STYXL1: variants seen among roughly 807,000 people sequenced by gnomAD.
STYXL1 encodes serine/threonine/tyrosine interacting like 1.
In STYXL1, 32 loss-of-function variants were observed where a neutral mutation model predicts 36.4. The observed-to-expected ratio is 0.88, with a 90% CI of 0.66 to 1.18. The LOEUF is 1.18. STYXL1 is among the 50% of genes most tolerant of loss of function. STYXL1 has a pLI of 0.00. For synonymous variants in STYXL1, 133 were observed against 144.1 expected, an observed-to-expected ratio of 0.92 and a Z score of 0.55; for missense variants, 354 against 394.1, an observed-to-expected ratio of 0.90 and a Z score of 0.86.
intron 4 of STYXL1, among the ~76,000 whole-genome samples, chr7:76,017,935 C>T (rs538717800): frequency 6.7e-6 from 1 of 150,238 alleles, no homozygotes; most frequent in African/African-American, 2.4e-5. Flanking sequence ...GTTCTATGCT[C>T]ACTACCTGGG....
intron 5 of STYXL1, among the ~76,000 whole-genome samples, chr7:76,009,067 T>C (rs1279766466): frequency 1.3e-5 from 2 of 151,932 alleles, no homozygotes; most frequent in Non-Finnish European, 2.9e-5. Context: ...TATCAACCCC[T>C]CTTCCTGCTG....
At chr7:76,003,376 A>C (rs1791231215) in intron 7 of STYXL1, among the ~76,000 whole-genome samples, 1 of 152,204 alleles carries the variant, frequency 6.6e-6, no homozygotes, top group South Asian at 2.1e-4. Context: ...CCAAGGATGA[A>C]GGCGGGGATG....
At position 76,017,622 on chromosome 7, in the gene STYXL1, A is replaced by T. The variant is rs1363086240; in HGVS notation, c.308-3735T>A. Among the ~76,000 whole-genome samples the T allele has an allele frequency of 1.3e-5, 2 of 151,888 alleles. 1 individual carries two copies. The highest frequency in any genetic ancestry group is 4.8e-5 in the African/African-American group (2 of 41,348). On this transcript the variant is annotated intron_variant, in intron 4 of 8. Transcript: ENST00000359697. ...CTACTGGGGCCAGGCGCGATGGCTC[A>T]CACCTGTAATCCCAATACTTTGGGA...
intron 1 of STYXL1, among the ~76,000 whole-genome samples, chr7:76,046,801 C>A (rs554520729): frequency 6.6e-6 from 1 of 151,634 alleles, no homozygotes; most frequent in African/African-American, 2.4e-5. Flanking sequence ...CAGGTGTACA[C>A]CACCACGCTG....
chr7:76,003,677 T>C (rs1791269649), intron 7 of STYXL1, 81 bp downstream of exon 7: 1 of 1,279,320 alleles, frequency 7.8e-7, no homozygotes, highest in East Asian at 2.3e-5. Flanking sequence ...CGGTCCAGAA[T>C]AAGCCTGTGA....
At chr7:76,028,496 T>C (rs1440105606) in intron 3 of STYXL1, 146 bp downstream of exon 3, 1 of 695,158 alleles carries the variant, frequency 1.4e-6, no homozygotes, top group Non-Finnish European at 2.6e-6. Flanking sequence ...TGTGTGAGGG[T>C]GAGAGGTGTG....
intron 8 of STYXL1, among the ~76,000 whole-genome samples, chr7:75,997,345 A>G (rs1449247582): frequency 1.3e-5 from 2 of 152,170 alleles, no homozygotes; most frequent in African/African-American, 4.8e-5. Context: ...GAGGCAGGAA[A>G]ATTGCTTGAA....
chr7:76,005,615 G>A (rs1791572626), intron 5 of STYXL1, among the ~76,000 whole-genome samples: 1 of 152,090 alleles, frequency 6.6e-6, no homozygotes, highest in African/African-American at 2.4e-5. Flanking sequence ...GAGCCTCATC[G>A]TGCAGAGCGC....
Position 76,004,933 on chromosome 7 carries a change from G to A in STYXL1, c.599+326C>T, listed in dbSNP as rs948674639. Among the ~76,000 whole-genome samples the A allele has an allele frequency of 6.6e-5, 10 of 151,994 alleles. 1 individual carries two copies. In the East Asian group the frequency reaches 1.4e-3, roughly 21 times the overall value. Reference sequence around the variant, plus strand: ...GGAGAATGGCGTGAACCCAGGAGGCGGAGCTTGCAGTGAGCCGAGATTGTG... The same window carrying A: ...GGAGAATGGCGTGAACCCAGGAGGCAGAGCTTGCAGTGAGCCGAGATTGTG... On this transcript the variant is annotated intron_variant, in intron 6 of 8. Coordinates refer to ENST00000359697, the MANE Select transcript of STYXL1 (RefSeq NM_001317785.2).
intron 5 of STYXL1, among the ~76,000 whole-genome samples, chr7:76,010,085 A>G (rs148758450): frequency 2.0e-5 from 3 of 152,310 alleles, no homozygotes; most frequent in Admixed American, 1.3e-4. Context: ...GTGATGAGTT[A>G]TCAGCAGCGT....
Position 76,047,892 on chromosome 7 carries a change from C to A in STYXL1, c.-235G>T, listed in dbSNP as rs999475162. ...TCTTGGGTGCAGACTGGCCCTCCCA[C>A]TCCGACCGCAGGTCCCCCACCGGCC... On this transcript the variant is annotated 5_prime_UTR_variant, in exon 1 of 9. Transcript: ENST00000359697. 10 of 1,406,168 alleles carry A rather than the reference C, an allele frequency of 7.1e-6. No individual in the cohort carries two copies. The highest frequency in any genetic ancestry group is 9.3e-6 in the Non-Finnish European group (10 of 1,079,592). The allele number at this position is 1,406,168 out of a possible 1,614,324, so 87.1% of individuals were successfully genotyped here.
intron 4 of STYXL1, among the ~76,000 whole-genome samples, chr7:76,015,073 C>T (rs563403658): frequency 3.9e-5 from 6 of 152,176 alleles, no homozygotes; most frequent in African/African-American, 1.4e-4. Flanking sequence ...ATGGAAAGAC[C>T]CCGCCTCCAC....
In STYXL1 at chr7:75,996,600, CTATGAA is replaced by C; in HGVS notation, c.811-7_811-2del. 6.2e-7 allele frequency: 1 copy of C among 1,614,046 alleles called. No individual in the cohort carries two copies. Among genetic ancestry groups the C allele is most frequent in the Non-Finnish European group, 8.5e-7 (1 of 1,179,908 alleles). ...ACTTCTTGACATAGGCCCAGGACCT[CTATGAA>C]TACAAAGAGAGAAAGTGAACTTCAC... On this transcript the variant is annotated splice_acceptor_variant and splice_polypyrimidine_tract_variant and intron_variant, in intron 8 of 8. Transcript: ENST00000359697. LOFTEE classifies it high-confidence loss of function.
At chr7:76,013,325 CAA>C (rs782742797) in intron 5 of STYXL1, among the ~76,000 whole-genome samples, 3 of 80,700 alleles carry the variant, frequency 3.7e-5, no homozygotes, top group Non-Finnish European at 5.0e-5. Context: ...GACTCCGTCT[CAA>C]AAAAAAAAAA....
Position 76,000,920 on chromosome 7 carries a change from G to T in STYXL1, c.780C>A (p.Tyr260Ter). ...ISRSCAAIIAYLMHSNEQTLQ... is the reference protein window; with the variant it reads ...ISRSCAAIIA ...AGGTCTGCTCGTTACTATGCATGAG[G>T]TAGGCTATGATGGCGGCACAACTGC... Residue 260 changes from tyrosine to a stop codon, truncating the protein, a stop_gained, in exon 8 of 9, where the codon TAC becomes TAA. Transcript: ENST00000359697. LOFTEE classifies it high-confidence loss of function. 1 of 1,614,176 alleles carries T rather than the reference G, an allele frequency of 6.2e-7. No individual in the cohort carries two copies. The highest frequency in any genetic ancestry group is 8.5e-7 in the Non-Finnish European group (1 of 1,179,982).
At chr7:76,026,315 T>C (rs1794723169) in intron 3 of STYXL1, among the ~76,000 whole-genome samples, 1 of 150,598 alleles carries the variant, frequency 6.6e-6, no homozygotes. Context: ...TTATTACTTT[T>C]GAGACAGGGT....
At chr7:76,042,390 CTTTTTTT>C (rs528469396) in intron 1 of STYXL1, among the ~76,000 whole-genome samples, 41 of 41,834 alleles carry the variant, frequency 9.8e-4, no homozygotes, top group African/African-American at 1.4e-3. Context: ...CCCTTATGTG[CTTTTTTT>C]TTTTTTTTTT....
chr7:76,030,515 A>C lies in STYXL1; in HGVS notation c.9T>G (p.Gly3=). Residue 3 remains glycine (G), a synonymous_variant, in exon 2 of 9, where the codon GGT becomes GGG. Transcript: ENST00000359697. ...GCTCTGTTGGTTCACATAAAAGCAA[A>C]CCAGGCATCCTGCTGGGAAGAATCA... MP[G]LLLCEPTELY... The C allele has an allele frequency of 1.2e-6, 2 of 1,611,040 alleles. No homozygotes were observed. The highest frequency in any genetic ancestry group is 1.7e-6 in the Non-Finnish European group (2 of 1,177,164).
At chr7:76,013,689 T>C in intron 5 of STYXL1, 53 bp downstream of exon 5, 1 of 1,612,348 alleles carries the variant, frequency 6.2e-7, no homozygotes, top group African/African-American at 1.3e-5. Context: ...CAAGTCAGTT[T>C]CTAGGCCCAT....
Sources: gnomAD v4.1 joint callset for allele counts (sites outside exome capture counted in the v4.1 genomes callset) on GRCh38, gnomAD v4.1.1 for gene constraint, MANE v1.5 for transcripts, NCBI Gene and HGNC (gene_info 2026-07-23, HGNC 2026-07-21) for gene names.